Variants in ERC2 observed in about 807,000 individuals in gnomAD.
The protein encoded by ERC2 is ERC protein 2.
ERC2 carries 42 observed loss-of-function variants against 114.8 expected under a neutral mutation model. The ratio of observed to expected loss-of-function variants is 0.37; its 90% CI spans 0.29 to 0.47. ERC2 has a LOEUF of 0.47. Ranked by LOEUF, ERC2 falls within the 20% of genes least tolerant of loss-of-function variation. ERC2 has a pLI of 0.99. For missense variants in ERC2, 939 were observed against 1,150.7 expected, an observed-to-expected ratio of 0.82 and a Z score of 2.66; for synonymous variants, 454 against 425.5, an observed-to-expected ratio of 1.07 and a Z score of -0.82.
intron 12 of ERC2, among the ~76,000 whole-genome samples, chr3:55,957,136 G>A (rs769888997): frequency 2.6e-5 from 4 of 152,166 alleles, no homozygotes; most frequent in South Asian, 2.1e-4. Flanking sequence ...GAAGTAGAAC[G>A]TCCTGGAGGG....
intron 14 of ERC2, among the ~76,000 whole-genome samples, chr3:55,795,722 A>G (rs533270410): frequency 8.5e-5 from 13 of 152,340 alleles, no homozygotes; most frequent in Non-Finnish European, 1.6e-4. Context: ...AAGCCCCCTC[A>G]GATTGAATCT....
At chr3:55,770,953 T>C (rs1261054947) in intron 14 of ERC2, among the ~76,000 whole-genome samples, 1 of 152,204 alleles carries the variant, frequency 6.6e-6, no homozygotes, top group Non-Finnish European at 1.5e-5. Flanking sequence ...GCTTCATCCA[T>C]GCCCCTGCCA....
At chr3:56,440,635 T>A (rs1387037052) in intron 1 of ERC2, among the ~76,000 whole-genome samples, 1 of 152,070 alleles carries the variant, frequency 6.6e-6, no homozygotes, top group Non-Finnish European at 1.5e-5. Flanking sequence ...GGCAGGAGGA[T>A]TGCTTGAGGA....
intron 2 of ERC2, among the ~76,000 whole-genome samples, chr3:56,404,789 A>G (rs573800231): frequency 3.3e-5 from 5 of 152,198 alleles, no homozygotes; most frequent in Non-Finnish European, 5.9e-5. Context: ...AGTGGAAAAA[A>G]GAAGTTTTCA....
At chr3:56,008,043 A>T (rs964446252) in intron 9 of ERC2, among the ~76,000 whole-genome samples, 12 of 152,152 alleles carry the variant, frequency 7.9e-5, no homozygotes, top group African/African-American at 2.9e-4. Context: ...ATATCACTGA[A>T]CATAACTTTG....
chr3:55,849,884 A>G (rs1301969041), intron 14 of ERC2, among the ~76,000 whole-genome samples: 1 of 152,178 alleles, frequency 6.6e-6, no homozygotes. Flanking sequence ...ACCCAACTGT[A>G]TTAGTTTCCT....
intron 2 of ERC2, among the ~76,000 whole-genome samples, chr3:56,350,978 G>T (rs1468254374): frequency 6.6e-6 from 1 of 152,136 alleles, no homozygotes; most frequent in Non-Finnish European, 1.5e-5. Flanking sequence ...TCAAGCCCAA[G>T]GTCACCTTGC....
intron 2 of ERC2, among the ~76,000 whole-genome samples, chr3:56,315,222 G>A (rs535839743): frequency 3.3e-5 from 5 of 152,140 alleles, no homozygotes; most frequent in South Asian, 2.1e-4. Context: ...TCTTCTACCC[G>A]GGAGCTTAAG....
intron 17 of ERC2, among the ~76,000 whole-genome samples, chr3:55,580,698 A>G (rs886126279): frequency 8.5e-5 from 13 of 152,130 alleles, no homozygotes; most frequent in African/African-American, 2.7e-4. Flanking sequence ...ATCTTTTTCA[A>G]ACCCATCTGG....
At chr3:56,109,278 A>G (rs988387161) in intron 6 of ERC2, among the ~76,000 whole-genome samples, 7 of 151,516 alleles carry the variant, frequency 4.6e-5, no homozygotes, top group African/African-American at 1.7e-4. Flanking sequence ...GCGGTATTTG[A>G]TTTTCTGTTC....
chr3:56,438,635 A>G (rs916186984), intron 1 of ERC2, among the ~76,000 whole-genome samples: 1 of 152,158 alleles, frequency 6.6e-6, no homozygotes, highest in Admixed American at 6.5e-5. Flanking sequence ...TACAATCTAG[A>G]TGTCTGGGTT....
intron 3 of ERC2, among the ~76,000 whole-genome samples, chr3:56,183,369 G>T (rs1455825611): frequency 3.9e-5 from 6 of 152,212 alleles, no homozygotes; most frequent in Non-Finnish European, 4.4e-5. Context: ...CCTTGGGCAA[G>T]TTACTGGATT....
intron 11 of ERC2, among the ~76,000 whole-genome samples, chr3:55,988,718 T>G (rs2070822299): frequency 6.6e-6 from 1 of 152,206 alleles, no homozygotes; most frequent in Admixed American, 6.5e-5. Flanking sequence ...AGACCACAAA[T>G]CTATTTCAAG....
Position 55,564,316 on chromosome 3 carries a change from T to C in ERC2, c.*40-53040A>G, listed in dbSNP as rs1465971742. On this transcript the variant is annotated intron_variant, in intron 17 of 17. Coordinates refer to ENST00000288221, the MANE Select transcript of ERC2 (RefSeq NM_015576.3). ...AACTTGGAAGTCTAGTTAGAGTATT[T>C]CATACCGTGGAAAATTATTTAAAAG... Among the ~76,000 whole-genome samples, 3 of 152,194 alleles carry C rather than the reference T, an allele frequency of 2.0e-5. No individual in the cohort carries two copies. The East Asian group carries it at 5.8e-4, about 29-fold the overall frequency.
chr3:55,761,641 T>G (rs1422729232), intron 14 of ERC2, among the ~76,000 whole-genome samples: 1 of 152,100 alleles, frequency 6.6e-6, no homozygotes, highest in East Asian at 1.9e-4. Context: ...CCAAATCTCA[T>G]CTATATAATT....
chr3:55,560,674 G>A (rs2055947728), intron 17 of ERC2, among the ~76,000 whole-genome samples: 1 of 152,168 alleles, frequency 6.6e-6, no homozygotes. Context: ...TAGTGCTGAT[G>A]GAATTCCTGA....
chr3:55,600,799 C>T (rs1278246013), intron 17 of ERC2, among the ~76,000 whole-genome samples: 1 of 152,204 alleles, frequency 6.6e-6, no homozygotes. Flanking sequence ...GGCCTCTGCG[C>T]CTCACCTAGA....
chr3:55,818,277 A>G (rs763519723), intron 14 of ERC2, among the ~76,000 whole-genome samples: 4 of 152,208 alleles, frequency 2.6e-5, no homozygotes, highest in Non-Finnish European at 4.4e-5. Flanking sequence ...TGCCCTGGGT[A>G]AAAGCATAGT....
chr3:56,324,997 T>C (rs549893985), intron 2 of ERC2, among the ~76,000 whole-genome samples: 114 of 152,052 alleles, frequency 7.5e-4, no homozygotes, highest in African/African-American at 2.7e-3. Flanking sequence ...CCTGGACCAC[T>C]CTATCTACAT....
Sources: gnomAD v4.1 joint callset for allele counts (sites outside exome capture counted in the v4.1 genomes callset) on GRCh38, gnomAD v4.1.1 for gene constraint, MANE v1.5 for transcripts, NCBI Gene and HGNC (gene_info 2026-07-23, HGNC 2026-07-21) for gene names.